Variants in UTRN observed in about 807,000 individuals in gnomAD.
UTRN encodes utrophin, also known as dystrophin-related protein 1.
UTRN carries 283 observed loss-of-function variants against 463.9 expected under a neutral mutation model. The observed-to-expected ratio is 0.61, with a 90% CI of 0.55 to 0.67. The LOEUF is 0.67. Among genes scored for constraint, UTRN ranks in the 30% least tolerant of loss-of-function variants. The probability of loss-of-function intolerance (pLI) is 0.00; values close to 1 mark genes in which losing one functional copy is unlikely to be tolerated. For missense variants in UTRN, 3,922 were observed against 4,084.3 expected (o/e 0.96, Z 1.08); for synonymous variants, 1,442 against 1,431.5 (o/e 1.01, Z -0.17).
intron 57 of UTRN, among the ~76,000 whole-genome samples, chr6:144,757,282 A>G (rs1792104807): frequency 6.6e-6 from 1 of 151,480 alleles, no homozygotes; most frequent in Non-Finnish European, 1.5e-5. Context: ...ACCCCATAAA[A>G]TCTCAGTCAT....
chr6:144,490,397 A>G (rs1295728203), intron 31 of UTRN, among the ~76,000 whole-genome samples, 198 bp downstream of exon 31: 1 of 152,180 alleles, frequency 6.6e-6, no homozygotes, highest in Non-Finnish European at 1.5e-5. Flanking sequence ...ATGAAATCTG[A>G]TTTTGATAGC....
intron 22 of UTRN, 99 bp downstream of exon 22, chr6:144,461,441 C>G: frequency 7.8e-7 from 1 of 1,285,882 alleles, no homozygotes. Context: ...AAAAGTTGGT[C>G]AGTTTTGTTC....
chr6:144,495,826 A>G (rs1017406061), intron 33 of UTRN, among the ~76,000 whole-genome samples: 2 of 152,236 alleles, frequency 1.3e-5, no homozygotes, highest in African/African-American at 4.8e-5. Context: ...TTCTAAGTGT[A>G]ATTTTAATTG....
intron 50 of UTRN, among the ~76,000 whole-genome samples, chr6:144,571,565 A>G (rs1195153968): frequency 1.3e-5 from 2 of 152,074 alleles, no homozygotes; most frequent in Non-Finnish European, 2.9e-5. Flanking sequence ...ATTTTGGTAA[A>G]TACATAGGAA....
At chr6:144,780,296 TA>T (rs956006437) in intron 60 of UTRN, among the ~76,000 whole-genome samples, 5 of 152,130 alleles carry the variant, frequency 3.3e-5, no homozygotes, top group Admixed American at 3.3e-4. Flanking sequence ...TTTTTCATGC[TA>T]AAAGTTAAAT....
chr6:144,671,339 G>T (rs889309370), intron 51 of UTRN, among the ~76,000 whole-genome samples: 1 of 152,000 alleles, frequency 6.6e-6, no homozygotes, highest in African/African-American at 2.4e-5. Context: ...AGTTTTGCTT[G>T]TAGGGATCTT....
At chr6:144,301,222 C>G (rs1192063270) in intron 2 of UTRN, among the ~76,000 whole-genome samples, 5 of 152,124 alleles carry the variant, frequency 3.3e-5, no homozygotes. Context: ...GTTAACATAT[C>G]AGACCCTTAA....
intron 2 of UTRN, among the ~76,000 whole-genome samples, chr6:144,339,463 TTGTC>T (rs971858712): frequency 2.0e-5 from 3 of 152,192 alleles, no homozygotes; most frequent in African/African-American, 7.2e-5. Flanking sequence ...TCTATGTGAA[TTGTC>T]TGGTTTTCAT....
At chr6:144,450,826 GT>G (rs890515825) in intron 17 of UTRN, among the ~76,000 whole-genome samples, 2 of 152,146 alleles carry the variant, frequency 1.3e-5, no homozygotes, top group African/African-American at 4.8e-5. Context: ...AATATGTAAA[GT>G]TTTAAAAATT....
chr6:144,550,886 A>T, intron 47 of UTRN, 79 bp from the exon 48 acceptor site: 3 of 1,244,042 alleles, frequency 2.4e-6, no homozygotes, highest in African/African-American at 1.5e-5. Flanking sequence ...GACAACTTTG[A>T]TGTCAGCACA....
intron 3 of UTRN, among the ~76,000 whole-genome samples, chr6:144,409,919 G>C (rs866727207): frequency 1.3e-5 from 2 of 152,166 alleles, no homozygotes; most frequent in African/African-American, 4.8e-5. Context: ...GGCTAAAGAC[G>C]TCAAAGTCTG....
chr6:144,754,670 T>C (rs1791785344), intron 56 of UTRN, 50 bp from the exon 57 acceptor site: 2 of 1,580,982 alleles, frequency 1.3e-6, no homozygotes, highest in Non-Finnish European at 1.7e-6. Context: ...ATTAAAGTTA[T>C]TGTTTCGGAA....
At chr6:144,614,939 C>T (rs978829798) in intron 51 of UTRN, among the ~76,000 whole-genome samples, 4 of 152,038 alleles carry the variant, frequency 2.6e-5, no homozygotes, top group African/African-American at 9.7e-5. Flanking sequence ...CTTTAAGAAA[C>T]CCTCAACATT....
At chr6:144,556,070 A>G (rs1319905535) in intron 49 of UTRN, among the ~76,000 whole-genome samples, 1 of 152,220 alleles carries the variant, frequency 6.6e-6, no homozygotes, top group Non-Finnish European at 1.5e-5. Context: ...AGTGCTTTTA[A>G]GATTCTCTGT....
intron 7 of UTRN, among the ~76,000 whole-genome samples, chr6:144,427,221 A>T (rs1785374535): frequency 6.6e-6 from 1 of 152,154 alleles, no homozygotes; most frequent in African/African-American, 2.4e-5. Context: ...AATGTATTGG[A>T]TCTTTACTTC....
intron 10 of UTRN, among the ~76,000 whole-genome samples, chr6:144,436,788 ATATT>A (rs1391094811): frequency 1.4e-5 from 2 of 144,240 alleles, no homozygotes; most frequent in Non-Finnish European, 3.0e-5. Context: ...AAATAAATAT[ATATT>A]TATATATAAA....
intron 53 of UTRN, among the ~76,000 whole-genome samples, chr6:144,713,303 T>C (rs1030440373): frequency 6.6e-6 from 1 of 152,168 alleles, no homozygotes; most frequent in Non-Finnish European, 1.5e-5. Flanking sequence ...TATGTGTGCA[T>C]GTATTTTAAA....
intron 58 of UTRN, among the ~76,000 whole-genome samples, chr6:144,761,337 G>A (rs1424312927): frequency 2.0e-5 from 3 of 152,058 alleles, no homozygotes; most frequent in African/African-American, 7.3e-5. Flanking sequence ...TGCAATGAGA[G>A]CTCATTGTAT....
intron 51 of UTRN, among the ~76,000 whole-genome samples, chr6:144,589,562 T>C (rs1220212074): frequency 6.6e-6 from 1 of 152,172 alleles, no homozygotes; most frequent in Admixed American, 6.5e-5. Context: ...TTTGGAATTA[T>C]ATTGGGATAA....
Sources: allele counts gnomAD v4.1 joint callset (sites outside exome capture counted in the v4.1 genomes callset), GRCh38; gene constraint gnomAD v4.1.1; transcripts MANE v1.5; gene names NCBI Gene and HGNC (gene_info 2026-07-23, HGNC 2026-07-21).